The following KPNB1 variants were observed in gnomAD, a reference collection of about 807,000 sequenced individuals.
The protein encoded by KPNB1 is karyopherin subunit beta 1.
Under a neutral mutation model 113.0 loss-of-function variants are expected in KPNB1, and 7 were observed. That is an observed-to-expected ratio of 0.06 (90% confidence interval 0.04 to 0.12). The LOEUF is 0.12. Among genes scored for constraint, KPNB1 ranks in the 10% least tolerant of loss-of-function variants. The pLI, the probability that KPNB1 is intolerant of heterozygous loss-of-function variation, is 1.00. For synonymous variants in KPNB1, 363 were observed against 378.6 expected (o/e 0.96, Z 0.48); for missense variants, 400 against 1,054.8 (o/e 0.38, Z 8.60).
At chr17:47,651,125 C>T (rs1468341184) in intron 2 of KPNB1, 1 of 694,818 alleles carries the variant, frequency 1.4e-6, no homozygotes, top group African/African-American at 1.9e-5. Flanking sequence ...CAGACTGAGG[C>T]TCATCTTTGA....
At chr17:47,675,385 G>GTTTTTTTTTTTGT (rs1462077639) in intron 15 of KPNB1, among the ~76,000 whole-genome samples, 1 of 82,110 alleles carries the variant, frequency 1.2e-5, no homozygotes, top group African/African-American at 5.7e-5. Flanking sequence ...TTTTTTTTTT[G>GTTTTTTTTTTTGT]TTTGTTTTTT....
chr17:47,664,971 A>T (rs1426858906), intron 8 of KPNB1, 86 bp from the exon 9 acceptor site: 2 of 910,620 alleles, frequency 2.2e-6, no homozygotes, highest in South Asian at 2.7e-5. Flanking sequence ...GTTTCTGTTA[A>T]GAGATCCCTG....
intron 3 of KPNB1, among the ~76,000 whole-genome samples, chr17:47,655,716 G>A (rs1053937215): frequency 6.6e-6 from 1 of 152,170 alleles, no homozygotes; most frequent in Non-Finnish European, 1.5e-5. Context: ...AAACGAGGGT[G>A]TGAACATCCT....
At chr17:47,660,015 TGTATA>T (rs2030044499) in intron 5 of KPNB1, among the ~76,000 whole-genome samples, 1 of 152,216 alleles carries the variant, frequency 6.6e-6, no homozygotes, top group Non-Finnish European at 1.5e-5. Flanking sequence ...CATTTTTAAA[TGTATA>T]GTTAGTTAAG....
intron 9 of KPNB1, 131 bp from the exon 10 acceptor site, chr17:47,668,055 A>G: frequency 6.0e-6 from 4 of 671,882 alleles, no homozygotes; most frequent in Non-Finnish European, 1.0e-5. Context: ...GGAAGAGACA[A>G]AATATAAAGG....
intron 2 of KPNB1, 103 bp from the exon 3 acceptor site, chr17:47,652,590 TC>T (rs1225649209): frequency 3.7e-5 from 30 of 813,380 alleles, no homozygotes; most frequent in Non-Finnish European, 4.7e-5. Flanking sequence ...AGACATTAGT[TC>T]CCCCCCTCGC....
intron 4 of KPNB1, 67 bp from the exon 5 acceptor site, chr17:47,658,441 A>G (rs56070119): frequency 4.6e-4 from 695 of 1,520,388 alleles, no homozygotes; most frequent in Non-Finnish European, 5.9e-4. Context: ...GTTTGAATCC[A>G]CAGATGTGGA....
In KPNB1 at chr17:47,650,141, C is replaced by T. The variant is rs1915487339; in HGVS notation, c.-104C>T. ...TGGTGACCCCCGCCCCCCACCCCAC[C>T]CTCCCTTCCCACCCGACCCCCAACC... On this transcript the variant is annotated 5_prime_UTR_variant, in exon 1 of 22. Transcript: ENST00000290158. 4.3e-6 allele frequency: 4 copies of T among 923,096 alleles called. No homozygotes were observed. The highest frequency in any genetic ancestry group is 2.6e-5 in the South Asian group (1 of 37,898). 57.2% of individuals were successfully genotyped at this position (923,096 alleles called of 1,614,324 possible). A position where few individuals can be genotyped will look rare whatever the true frequency, so the allele number is the denominator to read the frequency against.
intron 3 of KPNB1, among the ~76,000 whole-genome samples, chr17:47,655,191 A>T (rs1469176184): frequency 6.6e-6 from 1 of 152,196 alleles, no homozygotes; most frequent in East Asian, 1.9e-4. Context: ...TGGACTACTG[A>T]TTCTTAGTGA....
intron 21 of KPNB1, among the ~76,000 whole-genome samples, chr17:47,681,686 G>GTTTTTTTTTTTTT (rs59222945): frequency 3.1e-3 from 300 of 96,052 alleles, no homozygotes; most frequent in Middle Eastern, 0.013. Flanking sequence ...GGAATTATAG[G>GTTTTTTTTTTTTT]TTTTTTTTTT....
Position 47,678,584 on chromosome 17 carries a change from A to T in KPNB1, c.2353+171A>T, listed in dbSNP as rs2030680033. ...GAGAGTGGCTTGGGGAAAACTGTAG[A>T]CTACTGTTTTTGCTCTGCTTCTTCT... On this transcript the variant is annotated intron_variant, in intron 19 of 21. Transcript: ENST00000290158. The T allele has an allele frequency of 6.7e-6, 4 of 597,204 alleles. No homozygotes were observed. In the Admixed American group the frequency reaches 1.2e-4, roughly 18 times the overall value. The allele number at this position is 597,204 out of a possible 1,614,324, so 37.0% of individuals were successfully genotyped here.
At position 47,682,591 on chromosome 17, in the gene KPNB1, G is replaced by A. The variant is rs1419110394; in HGVS notation, c.*187G>A. The A allele has an allele frequency of 3.2e-6, 2 of 618,258 alleles. No individual in the cohort carries two copies. Among genetic ancestry groups the A allele is most frequent in the East Asian group, 2.7e-5 (1 of 36,694 alleles). 38.3% of individuals were successfully genotyped at this position (618,258 alleles called of 1,614,324 possible). A position where few individuals can be genotyped will look rare whatever the true frequency, so the allele number is the denominator to read the frequency against. ...AGCAGCCGCAGCCGCCAACAGCAGC[G>A]CTGTTAGTGAGCTAAGTAAGCACTG... On this transcript the variant is annotated 3_prime_UTR_variant, in exon 22 of 22. Transcript: ENST00000290158.
rs562746175 is a variant in KPNB1, at chr17:47,679,704, C to CT, written c.2354-306dup. Among the ~76,000 whole-genome samples, 176 of 144,302 alleles carry CT rather than the reference C, an allele frequency of 1.2e-3. 1 individual carries two copies. The South Asian group carries it at 0.012, about 10-fold the overall frequency. 94.7% of individuals were successfully genotyped at this position (144,302 alleles called of 152,430 possible). On this transcript the variant is annotated intron_variant, in intron 19 of 21. Transcript: ENST00000290158. ...CAGACCTTCTCTCTCTTTTTTTTTTCTTTTTTTTTTGAGATGGAATCTTGC... is the reference window on the plus strand; with the variant it reads ...CAGACCTTCTCTCTCTTTTTTTTTTCTTTTTTTTTTTGAGATGGAATCTTGC...
Position 47,683,090 on chromosome 17 carries a change from T to TAAAAAAAAAAAAAAA in KPNB1, c.*701_*715dup, listed in dbSNP as rs1157291179. On this transcript the variant is annotated 3_prime_UTR_variant, in exon 22 of 22. Coordinates refer to ENST00000290158, the MANE Select transcript of KPNB1 (RefSeq NM_002265.6). The stretch of plus-strand genomic sequence containing the variant: ...GTTTACTGATGCAGCACAAGAGATG[T>TAAAAAAAAAAAAAAA]AAAAAAAAAAAAAAAAAAAAAAAAA... 5.8e-5 allele frequency: 1 copy of TAAAAAAAAAAAAAAA among 17,256 alleles called. No individual in the cohort carries two copies. The highest frequency in any genetic ancestry group is 9.8e-5 in the Non-Finnish European group (1 of 10,230). The allele number at this position is 17,256 out of a possible 1,614,324, so 1.1% of individuals were successfully genotyped here.
At chr17:47,682,216 A>G (rs973870879) in intron 21 of KPNB1, among the ~76,000 whole-genome samples, 188 bp from the exon 22 acceptor site, 40 of 152,296 alleles carry the variant, frequency 2.6e-4, no homozygotes, top group African/African-American at 9.6e-4. Flanking sequence ...TTTCCCTCGC[A>G]CCCTCTGATG....
In KPNB1 at chr17:47,676,479, T is replaced by C. The variant is rs149068819; in HGVS notation, c.1983T>C (p.Tyr661=). The change falls in exon 16 of 22, where the codon TAT becomes TAC. Residue 661 remains tyrosine (Y), a synonymous_variant. Coordinates refer to ENST00000290158, the MANE Select transcript of KPNB1 (RefSeq NM_002265.6). ...TCCTGGGCATTGGATTAAAAAATTA[T>C]GCTGAATACCAGGTAGGATGTGCTT... ...KPFLGIGLKN[Y]AEYQVCLAAV... 6,215 of 1,611,538 alleles carry C rather than the reference T, an allele frequency of 3.9e-3. 21 individuals carry two copies. The highest frequency in any genetic ancestry group is 5.0e-3 in the Non-Finnish European group (5,907 of 1,177,654).
At position 47,675,361 on chromosome 17, in the gene KPNB1, G is replaced by GTTTTTGTTTTTTTTTTTTTTTTTTTTTT. The variant is rs2030568124; in HGVS notation, c.1912+584_1912+585insGTTTTTTTTTTTTTTTTTTTTTTTTTTT. Among the ~76,000 whole-genome samples the GTTTTTGTTTTTTTTTTTTTTTTTTTTTT allele has an allele frequency of 6.8e-5, 6 of 88,692 alleles. 1 individual carries two copies. The highest frequency in any genetic ancestry group is 2.9e-4 in the East Asian group (1 of 3,440). 58.2% of individuals were successfully genotyped at this position (88,692 alleles called of 152,430 possible). A position where few individuals can be genotyped will look rare whatever the true frequency, so the allele number is the denominator to read the frequency against. On this transcript the variant is annotated intron_variant, in intron 15 of 21. Coordinates refer to ENST00000290158, the MANE Select transcript of KPNB1 (RefSeq NM_002265.6). ...TGCAACGGAGATTGGCAGAGGTGTT[G>GTTTTTGTTTTTTTTTTTTTTTTTTTTTT]TTTTTTTTTTGTTTTTTTTTTTTGT...
At position 47,665,123 on chromosome 17, in the gene KPNB1, C is replaced by T; in HGVS notation, c.964C>T (p.Leu322=). The change falls in exon 9 of 22, where the codon CTG becomes TTG. Residue 322 remains leucine (L), a synonymous_variant. Transcript: ENST00000290158. ...KFYAKGALQY[L]VPILTQTLTK... is the part of the protein sequence containing the mutation. ...TTATGCGAAGGGAGCACTACAGTAT[C>T]TGGTTCCAATCCTCACACAGACACT... 3.7e-6 allele frequency: 6 copies of T among 1,614,166 alleles called. No individual in the cohort carries two copies. Among genetic ancestry groups the T allele is most frequent in the Middle Eastern group, 3.3e-4 (2 of 6,062 alleles).
chr17:47,673,466 T>G, intron 13 of KPNB1, 24 bp from the exon 14 acceptor site: 1 of 1,582,598 alleles, frequency 6.3e-7, no homozygotes, highest in Non-Finnish European at 8.7e-7. Context: ...TCATGTAGAG[T>G]ATGTTTTCTT....
Sources: allele counts gnomAD v4.1 joint callset (sites outside exome capture counted in the v4.1 genomes callset), GRCh38; gene constraint gnomAD v4.1.1; transcripts MANE v1.5; gene names NCBI Gene and HGNC (gene_info 2026-07-23, HGNC 2026-07-21).